PCDHGB3: variants seen among roughly 807,000 people sequenced by gnomAD.
PCDHGB3 encodes the protein protocadherin gamma subfamily B, 3.
In PCDHGB3, 40 loss-of-function variants were observed where a neutral mutation model predicts 59.2. That is an observed-to-expected ratio of 0.68 (90% CI 0.52 to 0.88). The LOEUF is 0.88. PCDHGB3 is among the 40% of genes least tolerant of loss of function. The pLI is 0.00. For missense variants in PCDHGB3, 1,309 were observed against 1,187.9 expected (o/e 1.10, Z -1.50); for synonymous variants, 581 against 503.6 (o/e 1.15, Z -2.06).
chr5:141,394,488 G>A (rs753312224), intron 1 of PCDHGB3: 5 of 1,614,196 alleles, frequency 3.1e-6, no homozygotes, highest in South Asian at 2.2e-5. Flanking sequence ...GAATGACAAC[G>A]CGCCCGAGAT....
intron 1 of PCDHGB3, among the ~76,000 whole-genome samples, chr5:141,461,151 C>A (rs1424467673): frequency 6.6e-6 from 1 of 152,022 alleles, no homozygotes; most frequent in African/African-American, 2.4e-5. Context: ...TGGGTAGATA[C>A]CCAATAGTGG....
intron 1 of PCDHGB3, chr5:141,475,926 G>C: frequency 4.8e-6 from 3 of 619,440 alleles, no homozygotes; most frequent in East Asian, 2.9e-5. Context: ...GCTGGAGATC[G>C]GGCCCCTGCC....
intron 1 of PCDHGB3, chr5:141,403,938 G>C (rs1181403397): frequency 1.2e-6 from 2 of 1,613,848 alleles, no homozygotes; most frequent in Non-Finnish European, 1.7e-6. Flanking sequence ...GGATTGAAAG[G>C]GTGGACAAAA....
intron 1 of PCDHGB3, chr5:141,383,728 G>GGT (rs1554087976): frequency 1.9e-6 from 3 of 1,613,878 alleles, no homozygotes; most frequent in Non-Finnish European, 2.5e-6. Flanking sequence ...CAATGGGGAA[G>GGT]TGACATATTC....
At chr5:141,462,540 TTTC>T (rs2099042260) in intron 1 of PCDHGB3, among the ~76,000 whole-genome samples, 1 of 152,204 alleles carries the variant, frequency 6.6e-6, no homozygotes, top group East Asian at 1.9e-4. Flanking sequence ...TCAGTGATCT[TTTC>T]TTCTTCAGTG....
chr5:141,491,407 G>A lies in PCDHGB3; in HGVS notation c.2416-3400G>A. ...GAAGTGCCTTCAGGGAAACGCAGAC[G>A]GGGACGGGGGTGGAGGGCAGTGCTG... is the stretch of plus-strand genomic sequence containing the variant. On this transcript the variant is annotated intron_variant, in intron 1 of 3. Transcript: ENST00000576222. The surrounding 1 kb of genome is among the most constrained non-coding windows in gnomAD (Gnocchi z 6.9). The A allele has an allele frequency of 6.2e-7, 1 of 1,614,116 alleles. No individual in the cohort carries two copies. The highest frequency in any genetic ancestry group is 8.5e-7 in the Non-Finnish European group (1 of 1,180,000).
intron 1 of PCDHGB3, chr5:141,390,623 T>C (rs2092193421): frequency 3.8e-6 from 1 of 264,274 alleles, no homozygotes; most frequent in African/African-American, 2.3e-5. Flanking sequence ...TGTTGACTAA[T>C]ATATGATGAA....
In PCDHGB3 at chr5:141,487,000, G is replaced by T. The variant is rs1410493699; in HGVS notation, c.2416-7807G>T. 2 of 1,614,076 alleles carry T rather than the reference G, an allele frequency of 1.2e-6. No homozygotes were observed. Among genetic ancestry groups the T allele is most frequent in the Non-Finnish European group, 1.7e-6 (2 of 1,180,044 alleles). On this transcript the variant is annotated intron_variant, in intron 1 of 3. Coordinates refer to ENST00000576222, the MANE Select transcript of PCDHGB3 (RefSeq NM_018924.5). The surrounding 1 kb of genome is among the most constrained non-coding windows in gnomAD (Gnocchi z 5.0). Reference sequence around the variant, plus strand: ...GTTACAATGCTTGGGTTTCCTATCAGCTCCTGGAGGCCCCAGATCCCAGCC... The same window carrying T: ...GTTACAATGCTTGGGTTTCCTATCATCTCCTGGAGGCCCCAGATCCCAGCC...
intron 1 of PCDHGB3, among the ~76,000 whole-genome samples, chr5:141,380,002 C>A (rs1238165554): frequency 6.9e-6 from 1 of 143,940 alleles, no homozygotes; most frequent in Non-Finnish European, 1.5e-5. Flanking sequence ...TGGGTTCAAG[C>A]GATTCTCCTG....
intron 1 of PCDHGB3, among the ~76,000 whole-genome samples, chr5:141,445,156 GT>G (rs1248104914): frequency 6.6e-6 from 1 of 152,018 alleles, no homozygotes; most frequent in Non-Finnish European, 1.5e-5. Flanking sequence ...TTCATTTCTA[GT>G]TTACAGAAAA....
At chr5:141,393,528 G>A in intron 1 of PCDHGB3, 7 of 1,613,988 alleles carry the variant, frequency 4.3e-6, no homozygotes, top group East Asian at 4.5e-5. Context: ...AAATGACAAT[G>A]CCCCGGTTTT....
chr5:141,431,700 TC>T lies in PCDHGB3; in HGVS notation c.2415+58892del. On this transcript the variant is annotated intron_variant, in intron 1 of 3. Coordinates refer to ENST00000576222, the MANE Select transcript of PCDHGB3 (RefSeq NM_018924.5). The surrounding 1 kb of genome is among the most constrained non-coding windows in gnomAD (Gnocchi z 4.8). ...GAGTTGGACCACGAGGAGTCAGGAT[TC>T]TACCAGATGGAAGTGCAAGCAATGG... 6.2e-7 allele frequency: 1 copy of T among 1,614,218 alleles called. No individual in the cohort carries two copies.
Position 141,489,640 on chromosome 5 carries a change from G to A in PCDHGB3, c.2416-5167G>A. The A allele has an allele frequency of 1.2e-6, 2 of 1,614,146 alleles. No individual in the cohort carries two copies. Among genetic ancestry groups the A allele is most frequent in the Non-Finnish European group, 1.7e-6 (2 of 1,180,010 alleles). Reference sequence around the variant, plus strand: ...TCTCAATGACAACTCTCCTAGCTTTGCCACCCCTGAGCGAGAGATGCGCAT... The same window carrying A: ...TCTCAATGACAACTCTCCTAGCTTTACCACCCCTGAGCGAGAGATGCGCAT... On this transcript the variant is annotated intron_variant, in intron 1 of 3. Transcript: ENST00000576222. The surrounding 1 kb of genome is among the most constrained non-coding windows in gnomAD (Gnocchi z 4.5).
chr5:141,424,365 T>A (rs933291305), intron 1 of PCDHGB3: 7 of 152,246 alleles, frequency 4.6e-5, no homozygotes, highest in African/African-American at 1.7e-4. Context: ...TAGATCACAT[T>A]TTTTCTTAAG....
At chr5:141,452,673 G>A (rs2098746812) in intron 1 of PCDHGB3, among the ~76,000 whole-genome samples, 1 of 151,896 alleles carries the variant, frequency 6.6e-6, no homozygotes, top group Non-Finnish European at 1.5e-5. Flanking sequence ...CTCCAGCCTA[G>A]GCCACAGAAT....
At chr5:141,427,276 T>G (rs1281222927) in intron 1 of PCDHGB3, 1 of 456,754 alleles carries the variant, frequency 2.2e-6, no homozygotes, top group Non-Finnish European at 4.4e-6. Context: ...GAATGTAAAA[T>G]TATACTAGAA....
Position 141,493,760 on chromosome 5 carries a change from G to C in PCDHGB3, c.2416-1047G>C, listed in dbSNP as rs1268832909. On this transcript the variant is annotated intron_variant, in intron 1 of 3. Coordinates refer to ENST00000576222, the MANE Select transcript of PCDHGB3 (RefSeq NM_018924.5). The surrounding 1 kb of genome is among the most constrained non-coding windows in gnomAD (Gnocchi z 4.3). ...ACTGCCACCTGTGAGCCTTGAGTGA[G>C]CCACTGGCAGTTCCGGAGCTTCCTT... Among the ~76,000 whole-genome samples, 1 of 152,166 alleles carries C rather than the reference G, an allele frequency of 6.6e-6. No individual in the cohort carries two copies. The highest frequency in any genetic ancestry group is 1.5e-5 in the Non-Finnish European group (1 of 68,022).
chr5:141,466,799 C>T (rs1049340129), intron 1 of PCDHGB3, among the ~76,000 whole-genome samples: 1 of 152,056 alleles, frequency 6.6e-6, no homozygotes, highest in African/African-American at 2.4e-5. Flanking sequence ...CAAACTAGAT[C>T]CTATTCAGAC....
intron 1 of PCDHGB3, among the ~76,000 whole-genome samples, chr5:141,463,099 A>G (rs1445730117): frequency 1.4e-4 from 21 of 152,204 alleles, no homozygotes; most frequent in Admixed American, 1.4e-3. Context: ...CTATGTGACC[A>G]TCAAGAATTC....
Sources: gnomAD v4.1 joint callset for allele counts (sites outside exome capture counted in the v4.1 genomes callset) on GRCh38, gnomAD v4.1.1 for gene constraint, Gnocchi (gnomAD v3.1) non-coding constraint, MANE v1.5 for transcripts, NCBI Gene and HGNC (gene_info 2026-07-23, HGNC 2026-07-21) for gene names.